Variants in PIN1 observed in about 807,000 individuals in gnomAD.
The protein encoded by PIN1 is peptidylprolyl cis/trans isomerase, NIMA-interacting 1.
PIN1 carries 8 observed loss-of-function variants against 19.9 expected under a neutral mutation model. The ratio of observed to expected loss-of-function variants is 0.40; its 90% CI spans 0.24 to 0.72. PIN1 has a LOEUF of 0.72. Among genes scored for constraint, PIN1 ranks in the 30% least tolerant of loss-of-function variants. PIN1 has a pLI of 0.37. For missense variants in PIN1, 185 were observed against 226.5 expected (o/e 0.82, Z 1.18); for synonymous variants, 86 against 90.8 (o/e 0.95, Z 0.30).
intron 3 of PIN1, 159 bp downstream of exon 3, chr19:9,848,299 G>C: frequency 9.5e-6 from 6 of 628,658 alleles, no homozygotes; most frequent in Admixed American, 2.4e-5. Flanking sequence ...AGGCTGCTCT[G>C]CTGGGCAGGG....
At chr19:9,847,217 C>T (rs1406186951) in intron 2 of PIN1, among the ~76,000 whole-genome samples, 3 of 152,164 alleles carry the variant, frequency 2.0e-5, no homozygotes, top group African/African-American at 7.2e-5. Flanking sequence ...GCTTCCGAAA[C>T]GTGAGTCACT....
At position 9,849,489 on chromosome 19, in the gene PIN1, C is replaced by G. The variant is rs2046254500; in HGVS notation, c.*290C>G. ...GGGCAGTGTGGTGGGAGGGGTGTTC[C>G]AAAGAGAAGGCCTGGTCAGCAGAGC... is the stretch of plus-strand genomic sequence containing the variant. On this transcript the variant is annotated 3_prime_UTR_variant, in exon 4 of 4. Transcript: ENST00000247970. 1.4e-6 allele frequency: 1 copy of G among 691,504 alleles called. No homozygotes were observed. Among genetic ancestry groups the G allele is most frequent in the African/African-American group, 1.7e-5 (1 of 57,540 alleles). The allele number at this position is 691,504 out of a possible 1,614,324, so 42.8% of individuals were successfully genotyped here.
intron 1 of PIN1, chr19:9,836,627 A>G (rs2046108681): frequency 3.0e-6 from 1 of 336,244 alleles, no homozygotes; most frequent in African/African-American, 2.1e-5. Flanking sequence ...GGCACCCAGT[A>G]GGGTCTTTAC....
chr19:9,849,203 T>G lies in PIN1; in HGVS notation c.*4T>G. On this transcript the variant is annotated 3_prime_UTR_variant, in exon 4 of 4. Coordinates refer to ENST00000247970, the MANE Select transcript of PIN1 (RefSeq NM_006221.4). ...CATCATCCTCCGCACTGAGTGAGGG[T>G]GGGGAGCCCAGGCCTGGCCTCGGGG... 6.3e-7 allele frequency: 1 copy of G among 1,598,838 alleles called. No homozygotes were observed. The highest frequency in any genetic ancestry group is 1.1e-5 in the South Asian group (1 of 90,034).
Position 9,849,188 on chromosome 19 carries a change from C to T in PIN1, c.481C>T (p.Arg161Cys), listed in dbSNP as rs1385154480. ...GGATTCCGGCATCCACATCATCCTC[C>T]GCACTGAGTGAGGGTGGGGAGCCCA... ...FTDSGIHIIL[R>C]TE The change falls in exon 4 of 4, where the codon CGC (arginine) becomes TGC (cysteine). Residue 161 changes from arginine to cysteine, a missense_variant. Transcript: ENST00000247970. 6.2e-7 allele frequency: 1 copy of T among 1,608,480 alleles called. No homozygotes were observed. The highest frequency in any genetic ancestry group is 8.5e-7 in the Non-Finnish European group (1 of 1,176,144).
intron 2 of PIN1, among the ~76,000 whole-genome samples, chr19:9,841,510 C>A (rs2046165994): frequency 6.6e-6 from 1 of 152,166 alleles, no homozygotes; most frequent in South Asian, 2.1e-4. Flanking sequence ...TGAGACCCTT[C>A]ACGGGCAGGT....
At chr19:9,844,031 C>G (rs2046194599) in intron 2 of PIN1, among the ~76,000 whole-genome samples, 1 of 152,076 alleles carries the variant, frequency 6.6e-6, no homozygotes, top group African/African-American at 2.4e-5. Context: ...GCCTGGGTGA[C>G]AGAGCCAGAT....
At chr19:9,837,089 A>G in intron 1 of PIN1, 1 of 349,706 alleles carries the variant, frequency 2.9e-6, no homozygotes, top group Non-Finnish European at 5.7e-6. Context: ...TCAGCCTTTC[A>G]AGTAGCTGAG....
In PIN1 at chr19:9,846,530, CAG is replaced by C. The variant is rs1568361507; in HGVS notation, c.272-1499_272-1498del. Among the ~76,000 whole-genome samples, 3 of 152,130 alleles carry C rather than the reference CAG, an allele frequency of 2.0e-5. No homozygotes were observed. Among genetic ancestry groups the C allele is most frequent in the Admixed American group, 6.6e-5 (1 of 15,264 alleles). ...GTGGCTGCCATGACGTGCAGCCAAA[CAG>C]GGAGCTATGGCTGTGCTCTCACGGT... On this transcript the variant is annotated intron_variant, in intron 2 of 3. Coordinates refer to ENST00000247970, the MANE Select transcript of PIN1 (RefSeq NM_006221.4). This position sits in a 1 kb window ranked among gnomAD's most constrained non-coding sequence, Gnocchi z 5.9.
chr19:9,847,177 C>T (rs563883479), intron 2 of PIN1, among the ~76,000 whole-genome samples: 82 of 152,140 alleles, frequency 5.4e-4, no homozygotes, highest in Non-Finnish European at 9.7e-4. Flanking sequence ...ACACACACCA[C>T]GTGCACACAC....
At chr19:9,836,801 C>T (rs752196645) in intron 1 of PIN1, 92 of 1,284,004 alleles carry the variant, frequency 7.2e-5, no homozygotes, top group Non-Finnish European at 1.5e-5. Flanking sequence ...TTCCTGCCTT[C>T]CCCTGTGTGT....
At chr19:9,835,895 G>A (rs2145406614) in intron 1 of PIN1, 1 of 158,796 alleles carries the variant, frequency 6.3e-6, no homozygotes, top group African/African-American at 2.4e-5. Flanking sequence ...GATGGCCCCT[G>A]TGCTTAGGCC....
At chr19:9,839,303 G>A (rs1468383244) in intron 2 of PIN1, among the ~76,000 whole-genome samples, 5 of 151,734 alleles carry the variant, frequency 3.3e-5, no homozygotes, top group African/African-American at 7.3e-5. Context: ...ATGTGTTGAC[G>A]CATGCCTGTA....
In PIN1 at chr19:9,835,373, G is replaced by C. The variant is rs1353889282; in HGVS notation, c.29G>C (p.Gly10Ala). MADEEKLPP[G>A]WEKRMSRSSG... ...GCGGACGAGGAGAAGCTGCCGCCCG[G>C]CTGGGAGAAGCGCATGAGCCGCAGC... The change falls in exon 1 of 4, where the codon GGC becomes GCC. Residue 10 changes from glycine (G) to alanine (A), a missense_variant. Physicochemically the swap from Gly to Ala is moderately conservative, Grantham distance 60. Transcript: ENST00000247970. 5.3e-6 allele frequency: 8 copies of C among 1,521,872 alleles called. No homozygotes were observed. The highest frequency in any genetic ancestry group is 2.4e-5 in the South Asian group (2 of 82,426). 94.3% of individuals were successfully genotyped at this position (1,521,872 alleles called of 1,614,324 possible). A position where few individuals can be genotyped will look rare whatever the true frequency, so the allele number is the denominator to read the frequency against.
rs1176813262 is a variant in PIN1 at position 9,838,519 on chromosome 19, G to A, written c.142G>A (p.Gly48Arg). ...SGNSSSGGKNGQGEPARVRCS... is the reference protein window; with the variant it reads ...SGNSSSGGKNRQGEPARVRCS... Reference sequence around the variant, plus strand: ...CAACAGCAGCAGTGGTGGCAAAAACGGGCAGGGGGAGCCTGCCAGGGTCCG... The same window carrying A: ...CAACAGCAGCAGTGGTGGCAAAAACAGGCAGGGGGAGCCTGCCAGGGTCCG... The change falls in exon 2 of 4, where the codon GGG (glycine) becomes AGG (arginine). Residue 48 changes from glycine (G) to arginine (R), a missense_variant. Physicochemically the swap from Gly to Arg is moderately radical, Grantham distance 125 (BLOSUM62 -2). Coordinates refer to ENST00000247970, the MANE Select transcript of PIN1 (RefSeq NM_006221.4). This position sits in a 1 kb window ranked among gnomAD's most constrained non-coding sequence, Gnocchi z 5.8. The A allele has an allele frequency of 1.9e-6, 3 of 1,602,576 alleles. No homozygotes were observed. The highest frequency in any genetic ancestry group is 2.3e-5 in the East Asian group (1 of 44,420).
chr19:9,838,616 G>A lies in PIN1; in HGVS notation c.239G>A (p.Arg80Gln), dbSNP rs1262038071. The A allele has an allele frequency of 2.6e-6, 4 of 1,548,810 alleles. No homozygotes were observed. The highest frequency in any genetic ancestry group is 2.0e-5 in the Admixed American group (1 of 51,026). The change falls in exon 2 of 4, where the codon CGG becomes CAG. Residue 80 changes from arginine to glutamine, a missense_variant. By Grantham distance (43) the Arg-to-Gln change is conservative. Transcript: ENST00000247970. The surrounding 1 kb of genome is among the most constrained non-coding windows in gnomAD (Gnocchi z 5.8). ...TCCTGGCGGCAGGAGAAGATCACCC[G>A]GACCAAGGAGGAGGCCCTGGAGCTG... ...PSSWRQEKITRTKEEALELIN... is the reference protein window; with the variant it reads ...PSSWRQEKITQTKEEALELIN...
In PIN1 at chr19:9,838,402, C is replaced by A; in HGVS notation, c.59-34C>A. On this transcript the variant is annotated intron_variant, in intron 1 of 3. Transcript: ENST00000247970. The surrounding 1 kb of genome is among the most constrained non-coding windows in gnomAD (Gnocchi z 5.8). ...GCCCAGGGGTGTCCTGGGAGCACAA[C>A]CCTAGCTGAATTCCTGCCTGCCCTC... is the stretch of plus-strand genomic sequence containing the variant. 6.5e-7 allele frequency: 1 copy of A among 1,549,834 alleles called. No individual in the cohort carries two copies. Among genetic ancestry groups the A allele is most frequent in the Non-Finnish European group, 8.8e-7 (1 of 1,139,270 alleles).
intron 3 of PIN1, chr19:9,848,638 G>A (rs1360425471): frequency 4.2e-6 from 1 of 240,352 alleles, no homozygotes; most frequent in African/African-American, 2.3e-5. Flanking sequence ...TCAGTCCTCG[G>A]GGTCTACAGA....
intron 2 of PIN1, among the ~76,000 whole-genome samples, chr19:9,839,461 G>A (rs2046143538): frequency 6.6e-6 from 1 of 151,636 alleles, no homozygotes; most frequent in Non-Finnish European, 1.5e-5. Context: ...TAGATAGTGA[G>A]TTAATTCTGA....
Sources: allele counts gnomAD v4.1 joint callset (sites outside exome capture counted in the v4.1 genomes callset), GRCh38; gene constraint gnomAD v4.1.1; non-coding constraint Gnocchi (gnomAD v3.1); transcripts MANE v1.5; gene names NCBI Gene and HGNC (gene_info 2026-07-23, HGNC 2026-07-21).